Variants in CNTNAP2 observed in about 807,000 individuals in gnomAD.
CNTNAP2 encodes the protein contactin associated protein 2, also known as contactin-associated protein-like 2.
In CNTNAP2, 98 loss-of-function variants were observed where a neutral mutation model predicts 155.2. The ratio of observed to expected loss-of-function variants is 0.63; its 90% CI spans 0.54 to 0.75. The LOEUF is 0.75. CNTNAP2 is among the 30% of genes least tolerant of loss of function. CNTNAP2 has a pLI of 0.00. For synonymous variants in CNTNAP2, 651 were observed against 631.2 expected (o/e 1.03, Z -0.47); for missense variants, 1,727 against 1,688.1 (o/e 1.02, Z -0.40).
At chr7:147,354,498 T>A (rs1438474196) in intron 9 of CNTNAP2, among the ~76,000 whole-genome samples, 1 of 152,186 alleles carries the variant, frequency 6.6e-6, no homozygotes, top group East Asian at 1.9e-4. Flanking sequence ...GGTCTATATC[T>A]CTGTTTTGGT....
intron 2 of CNTNAP2, among the ~76,000 whole-genome samples, chr7:146,822,228 A>T (rs1193462268): frequency 6.6e-6 from 1 of 152,038 alleles, no homozygotes; most frequent in Non-Finnish European, 1.5e-5. Flanking sequence ...AGGACAAAAA[A>T]CCCAACACCA....
chr7:147,669,741 T>C (rs919178222), intron 13 of CNTNAP2, among the ~76,000 whole-genome samples: 1 of 152,208 alleles, frequency 6.6e-6, no homozygotes, highest in African/African-American at 2.4e-5. Flanking sequence ...GGCACCACCA[T>C]TGTCCGCCTC....
At chr7:146,383,389 G>T (rs181214030) in intron 1 of CNTNAP2, among the ~76,000 whole-genome samples, 2 of 152,078 alleles carry the variant, frequency 1.3e-5, no homozygotes, top group Non-Finnish European at 2.9e-5. Flanking sequence ...TACTGGAAAG[G>T]TCCTCAAAAT....
intron 12 of CNTNAP2, among the ~76,000 whole-genome samples, chr7:147,589,427 A>C (rs1208866241): frequency 1.3e-5 from 2 of 152,162 alleles, no homozygotes; most frequent in African/African-American, 4.8e-5. Context: ...AACAGCAAGG[A>C]GCATGTCAAT....
At chr7:146,951,933 T>A (rs2129228098) in intron 3 of CNTNAP2, among the ~76,000 whole-genome samples, 1 of 152,158 alleles carries the variant, frequency 6.6e-6, no homozygotes, top group East Asian at 1.9e-4. Context: ...GAGCATGGAA[T>A]GTTTTTACAT....
chr7:146,171,322 A>G (rs1461153062), intron 1 of CNTNAP2, among the ~76,000 whole-genome samples: 1 of 152,154 alleles, frequency 6.6e-6, no homozygotes, highest in East Asian at 1.9e-4. Context: ...GTTTTTGCAA[A>G]TTTAATTGTA....
chr7:148,106,519 T>TATATATATATATATATATATAC (rs1491129840), intron 15 of CNTNAP2, among the ~76,000 whole-genome samples: 28 of 130,882 alleles, frequency 2.1e-4, no homozygotes, highest in African/African-American at 6.8e-4. Context: ...TATATATATA[T>TATATATATATATATATATATAC]ACATATTTTT....
chr7:146,325,804 C>T (rs1000049333), intron 1 of CNTNAP2, among the ~76,000 whole-genome samples: 4 of 152,052 alleles, frequency 2.6e-5, no homozygotes, highest in Non-Finnish European at 5.9e-5. Flanking sequence ...ATTGGGTCAA[C>T]AAGACACATC....
At chr7:148,134,438 G>C (rs1159361833) in intron 16 of CNTNAP2, among the ~76,000 whole-genome samples, 2 of 152,028 alleles carry the variant, frequency 1.3e-5, no homozygotes, top group South Asian at 2.1e-4. Flanking sequence ...ATTTTACTTT[G>C]AAAAATAGCA....
intron 9 of CNTNAP2, among the ~76,000 whole-genome samples, chr7:147,338,529 G>A (rs183433497): frequency 2.4e-4 from 36 of 152,108 alleles, no homozygotes; most frequent in African/African-American, 7.9e-4. Context: ...AAGAGAAGTG[G>A]TTTTGTCACA....
intron 13 of CNTNAP2, among the ~76,000 whole-genome samples, chr7:147,863,751 T>A (rs1025135800): frequency 3.4e-5 from 5 of 149,098 alleles, no homozygotes; most frequent in African/African-American, 1.2e-4. Flanking sequence ...TCTGTTAATA[T>A]CCTTTGCCCG....
At chr7:147,350,039 C>T (rs1164811472) in intron 9 of CNTNAP2, among the ~76,000 whole-genome samples, 1 of 151,856 alleles carries the variant, frequency 6.6e-6, no homozygotes, top group Non-Finnish European at 1.5e-5. Context: ...ATTATAACAT[C>T]ATTCCTGTTA....
intron 9 of CNTNAP2, among the ~76,000 whole-genome samples, chr7:147,317,384 C>T (rs1204047463): frequency 6.6e-6 from 1 of 152,242 alleles, no homozygotes; most frequent in East Asian, 1.9e-4. Context: ...ACCTGAATTA[C>T]AAGGACCTTG....
At chr7:147,078,414 G>A (rs1800037225) in intron 4 of CNTNAP2, among the ~76,000 whole-genome samples, 1 of 152,160 alleles carries the variant, frequency 6.6e-6, no homozygotes, top group Admixed American at 6.5e-5. Flanking sequence ...AACTGCATAT[G>A]CATTAAACAT....
intron 14 of CNTNAP2, among the ~76,000 whole-genome samples, chr7:147,909,113 G>C (rs565271555): frequency 5.3e-5 from 8 of 152,140 alleles, no homozygotes; most frequent in Admixed American, 3.3e-4. Context: ...TGCATAAATT[G>C]GGGCCCTGAA....
intron 12 of CNTNAP2, among the ~76,000 whole-genome samples, chr7:147,576,954 A>G (rs1800407192): frequency 6.6e-6 from 1 of 152,068 alleles, no homozygotes; most frequent in African/African-American, 2.4e-5. Flanking sequence ...TACACATGCA[A>G]TTATATCTAA....
intron 14 of CNTNAP2, among the ~76,000 whole-genome samples, chr7:147,919,467 T>TTTTTTTTTTTTTTTTTTTTTC (rs1800224095): frequency 1.5e-5 from 1 of 68,832 alleles, no homozygotes; most frequent in Non-Finnish European, 2.6e-5. Context: ...TTCTTTTTTT[T>TTTTTTTTTTTTTTTTTTTTTC]TTTTTTTTTG....
chr7:147,899,425 C>T lies in CNTNAP2; in HGVS notation c.2099-4140C>T, dbSNP rs761775220. ...GGGAAGACGGGGAAGTAGGCAGTTGCTAATCAGTGGGCATAAAAGCTTCAG... is the reference window on the plus strand; with the variant it reads ...GGGAAGACGGGGAAGTAGGCAGTTGTTAATCAGTGGGCATAAAAGCTTCAG... On this transcript the variant is annotated intron_variant, in intron 13 of 23. Transcript: ENST00000361727. Among the ~76,000 whole-genome samples the T allele has an allele frequency of 2.4e-4, 36 of 152,094 alleles. 1 individual carries two copies. The highest frequency in any genetic ancestry group is 1.6e-3 in the Admixed American group (25 of 15,266).
chr7:146,992,312 C>T (rs906184542), intron 3 of CNTNAP2, among the ~76,000 whole-genome samples: 36 of 151,742 alleles, frequency 2.4e-4, no homozygotes, highest in Non-Finnish European at 4.7e-4. Context: ...ACATATTTTC[C>T]TATTGCCAGG....
Sources: gnomAD v4.1 joint callset for allele counts (sites outside exome capture counted in the v4.1 genomes callset) on GRCh38, gnomAD v4.1.1 for gene constraint, MANE v1.5 for transcripts, NCBI Gene and HGNC (gene_info 2026-07-23, HGNC 2026-07-21) for gene names.